Variants in EXOC6 observed in about 807,000 individuals in gnomAD.
EXOC6 encodes exocyst complex component 6.
Under a neutral mutation model 112.5 loss-of-function variants are expected in EXOC6, and 60 were observed. The ratio of observed to expected loss-of-function variants is 0.53; its 90% confidence interval spans 0.43 to 0.66. The LOEUF is 0.66. Among genes scored for constraint, EXOC6 ranks in the 30% least tolerant of loss-of-function variants. The probability of loss-of-function intolerance (pLI) is 0.00; values close to 1 mark genes in which losing one functional copy is unlikely to be tolerated. For synonymous variants in EXOC6, 295 were observed against 308.0 expected, an observed-to-expected ratio of 0.96 and a Z score of 0.44; for missense variants, 855 against 957.1, an observed-to-expected ratio of 0.89 and a Z score of 1.41.
At chr10:92,934,268 G>GTTT in intron 10 of EXOC6, 42 bp from the exon 11 acceptor site, 2 of 1,175,508 alleles carry the variant, frequency 1.7e-6, no homozygotes, top group South Asian at 1.7e-5. Flanking sequence ...TTCTATTAGG[G>GTTT]TTTTTTTTTT....
intron 20 of EXOC6, among the ~76,000 whole-genome samples, chr10:93,016,281 G>C (rs987722247): frequency 6.7e-6 from 1 of 149,566 alleles, no homozygotes; most frequent in Non-Finnish European, 1.5e-5. Context: ...CTACAGACAC[G>C]CACCACCATG....
chr10:92,888,141 C>T (rs968315007), intron 1 of EXOC6, among the ~76,000 whole-genome samples: 8 of 152,166 alleles, frequency 5.3e-5, no homozygotes, highest in South Asian at 4.1e-4. Flanking sequence ...ACTTACGGTT[C>T]TATTTTTTAA....
At position 93,004,578 on chromosome 10, in the gene EXOC6, T is replaced by A. The variant is rs1261584587; in HGVS notation, c.2095+6963T>A. 2.6e-5 allele frequency among the ~76,000 whole-genome samples: 4 copies of A among 152,378 alleles called. No homozygotes were observed. In the East Asian group the frequency reaches 7.7e-4, roughly 29 times the overall value. ...CTTTCTGAGCTAAGTAGTTATTTTT[T>A]AAAATGTTTCCTTGTAGGGTATTTT... is the stretch of plus-strand genomic sequence containing the variant. On this transcript the variant is annotated intron_variant, in intron 19 of 21. Transcript: ENST00000260762.
intron 20 of EXOC6, among the ~76,000 whole-genome samples, chr10:93,036,912 T>C (rs1845539384): frequency 6.6e-6 from 1 of 152,202 alleles, no homozygotes; most frequent in African/African-American, 2.4e-5. Context: ...GTCCCAGATT[T>C]ACCTGTTTTC....
At chr10:93,044,286 G>A (rs1238178) in intron 20 of EXOC6, among the ~76,000 whole-genome samples, 19,664 of 152,058 alleles carry the variant, frequency 0.13, 1,419 homozygotes, top group African/African-American at 0.18. Context: ...GGATAATTAG[G>A]GGTTAATATA....
intron 1 of EXOC6, among the ~76,000 whole-genome samples, chr10:92,874,610 C>T (rs1286679829): frequency 6.6e-6 from 1 of 151,774 alleles, no homozygotes; most frequent in Admixed American, 6.6e-5. Context: ...GCATCTTTGT[C>T]CAGGATTTAA....
chr10:92,940,722 T>TTTTTTTTTTTTTTTTTTTTTTTTTC lies in EXOC6; in HGVS notation c.1213-3_1213-2insTTTTTTTTTTTTTTTTTTTTTTCTT. 6.4e-7 allele frequency: 1 copy of TTTTTTTTTTTTTTTTTTTTTTTTTC among 1,574,396 alleles called. No individual in the cohort carries two copies. The highest frequency in any genetic ancestry group is 8.6e-7 in the Non-Finnish European group (1 of 1,160,292). On this transcript the variant is annotated splice_polypyrimidine_tract_variant and splice_region_variant and intron_variant, in intron 12 of 21. Transcript: ENST00000260762. ...TATCTGCTTTTTTTTTTTTTTGTAT[T>TTTTTTTTTTTTTTTTTTTTTTTTTC]TTAGGGTTATGGTTTTCCAGTGAAC...
chr10:92,928,446 G>T, intron 9 of EXOC6, 24 bp downstream of exon 9: 1 of 1,441,176 alleles, frequency 6.9e-7, no homozygotes, highest in Non-Finnish European at 9.7e-7. Flanking sequence ...ATTTTGAATT[G>T]GTTATGTTGT....
At chr10:92,975,405 C>T (rs1842488698) in intron 18 of EXOC6, among the ~76,000 whole-genome samples, 1 of 151,424 alleles carries the variant, frequency 6.6e-6, no homozygotes, top group African/African-American at 2.4e-5. Flanking sequence ...AGCCCCTCCG[C>T]CCGGCAGCCA....
At chr10:92,831,428 A>AT (rs113327827), upstream of EXOC6, 5,325 of 816,090 alleles carry the variant, frequency 6.5e-3, 6 homozygotes, top group East Asian at 0.036. Flanking sequence ...ACTATATTCT[A>AT]TTTTTTTTTT....
rs10160103 is a variant in EXOC6, at chr10:92,863,547, C to T, written c.101+14913C>T. Among the ~76,000 whole-genome samples the T allele has an allele frequency of 9.6e-3, 1,459 of 152,116 alleles. 17 individuals are homozygous for T. The highest frequency in any genetic ancestry group is 0.026 in the African/African-American group (1,071 of 41,516). On this transcript the variant is annotated intron_variant, in intron 1 of 21. Transcript: ENST00000260762. ...ATTTCGGCACTTTGGGAGGCCAAGG[C>T]GGGAAGGATTGCTTGAGCCCAGGAG...
intron 18 of EXOC6, among the ~76,000 whole-genome samples, chr10:92,995,429 G>T (rs1310537206): frequency 6.6e-6 from 1 of 152,026 alleles, no homozygotes; most frequent in Non-Finnish European, 1.5e-5. Flanking sequence ...TAATTTTCTG[G>T]CAATTTATTA....
intron 1 of EXOC6, among the ~76,000 whole-genome samples, chr10:92,867,899 G>A (rs1231797112): frequency 6.6e-6 from 1 of 152,042 alleles, no homozygotes; most frequent in African/African-American, 2.4e-5. Context: ...AATTTATAAA[G>A]TTGTAAAATA....
chr10:93,026,642 A>G (rs1564921043), intron 20 of EXOC6, among the ~76,000 whole-genome samples: 1 of 152,006 alleles, frequency 6.6e-6, no homozygotes, highest in Non-Finnish European at 1.5e-5. Flanking sequence ...AGTATTTCAA[A>G]CTTTTTCATT....
intron 5 of EXOC6, among the ~76,000 whole-genome samples, chr10:92,908,342 A>G (rs1011763757): frequency 6.6e-6 from 1 of 152,108 alleles, no homozygotes; most frequent in African/African-American, 2.4e-5. Context: ...GGTGTGAGCC[A>G]CCACACCTGG....
chr10:92,882,341 C>T (rs1352775243), intron 1 of EXOC6, among the ~76,000 whole-genome samples: 4 of 151,766 alleles, frequency 2.6e-5, no homozygotes, highest in Non-Finnish European at 4.4e-5. Flanking sequence ...GTCAGGAGTT[C>T]GAGACCAGCC....
chr10:92,828,127 C>T (rs1846415827), intron 1 of EXOC6, among the ~76,000 whole-genome samples: 1 of 152,158 alleles, frequency 6.6e-6, no homozygotes, highest in Admixed American at 6.5e-5. Flanking sequence ...TTGTTGATCT[C>T]TCTAGATTTT....
At chr10:92,983,238 A>G (rs1842887335) in intron 18 of EXOC6, among the ~76,000 whole-genome samples, 1 of 152,200 alleles carries the variant, frequency 6.6e-6, no homozygotes, top group South Asian at 2.1e-4. Flanking sequence ...ATACACATAA[A>G]TGGTGTGATA....
chr10:92,929,623 A>G (rs1851916583), intron 9 of EXOC6, among the ~76,000 whole-genome samples: 1 of 152,244 alleles, frequency 6.6e-6, no homozygotes, highest in African/African-American at 2.4e-5. Context: ...TGCTAATATA[A>G]ATAGGGAACA....
Sources: allele counts gnomAD v4.1 joint callset (sites outside exome capture counted in the v4.1 genomes callset), GRCh38; gene constraint gnomAD v4.1.1; transcripts MANE v1.5; gene names NCBI Gene and HGNC (gene_info 2026-07-23, HGNC 2026-07-21).